Variants in ITIH5 observed in about 807,000 individuals in gnomAD.
ITIH5 encodes inter-alpha-trypsin inhibitor heavy chain 5.
In ITIH5, 65 loss-of-function variants were observed where a neutral mutation model predicts 77.5. The ratio of observed to expected loss-of-function variants is 0.84; its 90% confidence interval spans 0.69 to 1.03. ITIH5 has a LOEUF of 1.03. Among genes scored for constraint, ITIH5 ranks in the 50% least tolerant of loss-of-function variants. The probability of loss-of-function intolerance (pLI) is 0.00; values close to 1 mark genes in which losing one functional copy is unlikely to be tolerated. For missense variants in ITIH5, 1,208 were observed against 1,213.1 expected, an observed-to-expected ratio of 1.00 and a Z score of 0.06; for synonymous variants, 525 against 494.3, an observed-to-expected ratio of 1.06 and a Z score of -0.82.
chr10:7,566,358 G>A lies in ITIH5; in HGVS notation c.2199C>T (p.Gly733=). The change falls in exon 13 of 14, where the codon GGC becomes GGT. Residue 733 remains glycine, a synonymous_variant. Coordinates refer to ENST00000397146, the MANE Select transcript of ITIH5 (RefSeq NM_030569.7). ...ELIGAPAPPN[G]HKKQRTYLRT... is the part of the protein sequence containing the mutation. ...GCAAGTAAGTGCGCTGTTTCTTGTG[G>A]CCATTTGGAGGGGCGGGTGCCCCAA... is the stretch of plus-strand genomic sequence containing the variant. 6 of 1,605,990 alleles carry A rather than the reference G, an allele frequency of 3.7e-6. No homozygotes were observed. Among genetic ancestry groups the A allele is most frequent in the Middle Eastern group, 1.7e-4 (1 of 6,040 alleles).
At chr10:7,594,097 G>A (rs144697273) in intron 7 of ITIH5, among the ~76,000 whole-genome samples, 1 of 152,366 alleles carries the variant, frequency 6.6e-6, no homozygotes, top group Non-Finnish European at 1.5e-5. Flanking sequence ...CCAGAGAACA[G>A]GGTAAGCACA....
chr10:7,634,510 C>G (rs1020111004), intron 5 of ITIH5, among the ~76,000 whole-genome samples: 1 of 152,144 alleles, frequency 6.6e-6, no homozygotes, highest in African/African-American at 2.4e-5. Context: ...GCTAAGAAAA[C>G]AATTTCCTTA....
At chr10:7,580,580 G>T (rs918475953) in intron 8 of ITIH5, among the ~76,000 whole-genome samples, 2 of 152,224 alleles carry the variant, frequency 1.3e-5, no homozygotes, top group African/African-American at 4.8e-5. Context: ...TCTCCAGAAG[G>T]CATGTGGCGA....
At position 7,666,947 on chromosome 10, in the gene ITIH5, C is replaced by G; in HGVS notation, c.-55G>C. The G allele has an allele frequency of 2.8e-6, 4 of 1,430,732 alleles. No individual in the cohort carries two copies. Among genetic ancestry groups the G allele is most frequent in the Non-Finnish European group, 2.9e-6 (3 of 1,051,592 alleles). The allele number at this position is 1,430,732 out of a possible 1,614,324, so 88.6% of individuals were successfully genotyped here. Reference sequence around the variant, plus strand: ...ACCCGGCGGGACACGCTTTGCAGCGCCCAGGGCTCCAGCCACTGCGGGACG... The same window carrying G: ...ACCCGGCGGGACACGCTTTGCAGCGGCCAGGGCTCCAGCCACTGCGGGACG... On this transcript the variant is annotated 5_prime_UTR_variant, in exon 1 of 14. Coordinates refer to ENST00000397146, the MANE Select transcript of ITIH5 (RefSeq NM_030569.7).
chr10:7,663,878 A>T (rs977395269), intron 1 of ITIH5, among the ~76,000 whole-genome samples: 3 of 152,232 alleles, frequency 2.0e-5, no homozygotes, highest in South Asian at 2.1e-4. Flanking sequence ...TAAAGCTCCT[A>T]GCAAACTCCC....
intron 8 of ITIH5, among the ~76,000 whole-genome samples, chr10:7,583,749 C>T (rs1832615963): frequency 6.6e-6 from 1 of 152,164 alleles, no homozygotes; most frequent in Non-Finnish European, 1.5e-5. Flanking sequence ...AAATCTCTCA[C>T]TCCACTTTAA....
chr10:7,596,163 G>GCCC (rs1269128169), intron 7 of ITIH5, among the ~76,000 whole-genome samples: 18 of 152,108 alleles, frequency 1.2e-4, no homozygotes, highest in African/African-American at 4.3e-4. Flanking sequence ...CACACCACAG[G>GCCC]CCCTGCATGA....
At position 7,641,736 on chromosome 10, in the gene ITIH5, G is replaced by C. The variant is rs895257062; in HGVS notation, c.299+191C>G. 2.0e-5 allele frequency among the ~76,000 whole-genome samples: 3 copies of C among 150,706 alleles called. No individual in the cohort carries two copies. In the East Asian group the frequency reaches 5.9e-4, roughly 30 times the overall value. ...AGGGAGGGAAGGAGGGAGGGAAAAA[G>C]AGAAGAAGAAAAGGAATGAATGAAT... On this transcript the variant is annotated intron_variant, in intron 3 of 13. Coordinates refer to ENST00000397146, the MANE Select transcript of ITIH5 (RefSeq NM_030569.7).
chr10:7,634,893 G>A (rs1012241293), intron 5 of ITIH5, among the ~76,000 whole-genome samples: 3 of 152,004 alleles, frequency 2.0e-5, no homozygotes, highest in African/African-American at 2.4e-5. Context: ...ATTTTCTTCC[G>A]AGGTACTGTT....
rs376841869 is a variant in ITIH5, at chr10:7,629,015, CTG to C, written c.652+8211_652+8212del. Among the ~76,000 whole-genome samples the C allele has an allele frequency of 3.3e-3, 443 of 132,452 alleles. 22 individuals carry two copies. The highest frequency in any genetic ancestry group is 0.011 in the African/African-American group (403 of 37,166). 86.9% of individuals were successfully genotyped at this position (132,452 alleles called of 152,430 possible). ...CATGCATCCATGTTATCATATGTAT[CTG>C]TGTTTTCACATGTGTCCCTGTTGTA... On this transcript the variant is annotated intron_variant, in intron 5 of 13. Transcript: ENST00000397146.
intron 11 of ITIH5, chr10:7,571,642 C>T (rs1832301386): frequency 6.6e-6 from 1 of 152,188 alleles, no homozygotes; most frequent in South Asian, 2.1e-4. Flanking sequence ...GTCTCGAACT[C>T]CTGACCTCAG....
intron 7 of ITIH5, chr10:7,609,614 T>G: frequency 1.3e-5 from 5 of 379,592 alleles, no homozygotes; most frequent in Non-Finnish European, 1.5e-5. Flanking sequence ...GCCCTCATTT[T>G]AACTTGACAA....
chr10:7,640,038 G>A (rs929290481), intron 4 of ITIH5, among the ~76,000 whole-genome samples: 3 of 148,858 alleles, frequency 2.0e-5, no homozygotes, highest in African/African-American at 7.5e-5. Flanking sequence ...TTGTTAATTT[G>A]CTAAATACCC....
intron 7 of ITIH5, among the ~76,000 whole-genome samples, chr10:7,590,152 A>G (rs1363490870): frequency 6.6e-6 from 1 of 151,812 alleles, no homozygotes; most frequent in East Asian, 1.9e-4. Context: ...TGGAGAATGG[A>G]ACCTTCATCT....
intron 5 of ITIH5, among the ~76,000 whole-genome samples, chr10:7,635,191 C>T (rs1170213691): frequency 6.6e-6 from 1 of 152,192 alleles, no homozygotes; most frequent in African/African-American, 2.4e-5. Flanking sequence ...AACAGACCTG[C>T]TTTCGAAGGC....
intron 11 of ITIH5, 26 bp downstream of exon 11, chr10:7,573,116 A>C (rs1486426350): frequency 6.2e-7 from 1 of 1,605,984 alleles, no homozygotes; most frequent in East Asian, 2.2e-5. Flanking sequence ...CTCTCAATCC[A>C]CACACAACCG....
At position 7,603,772 on chromosome 10, in the gene ITIH5, A is replaced by C. The variant is rs572525249; in HGVS notation, c.939+12210T>G. 8.2e-4 allele frequency among the ~76,000 whole-genome samples: 124 copies of C among 152,070 alleles called. 1 individual carries two copies. The highest frequency in any genetic ancestry group is 2.9e-3 in the African/African-American group (122 of 41,466). On this transcript the variant is annotated intron_variant, in intron 7 of 13. Coordinates refer to ENST00000397146, the MANE Select transcript of ITIH5 (RefSeq NM_030569.7). ...TAATTTTTTTGTATTTTTAGTAGAG[A>C]CGAGGTTTCACTGTGTTAGCCAGGA...
At chr10:7,660,874 T>C (rs1211016391) in intron 1 of ITIH5, among the ~76,000 whole-genome samples, 1 of 152,232 alleles carries the variant, frequency 6.6e-6, no homozygotes, top group African/African-American at 2.4e-5. Flanking sequence ...TTTTGAGCTA[T>C]AACATTGTAT....
At chr10:7,586,149 C>CGG (rs577438835) in intron 7 of ITIH5, 80 bp from the exon 8 acceptor site, 2 of 1,272,350 alleles carry the variant, frequency 1.6e-6, no homozygotes, top group African/African-American at 3.0e-5. Flanking sequence ...CCGCCCCCGC[C>CGG]CCCCAGGAAA....
Sources: gnomAD v4.1 joint callset for allele counts (sites outside exome capture counted in the v4.1 genomes callset) on GRCh38, gnomAD v4.1.1 for gene constraint, MANE v1.5 for transcripts, NCBI Gene and HGNC (gene_info 2026-07-23, HGNC 2026-07-21) for gene names.